Variants in IKBKB observed in about 807,000 individuals in gnomAD.
IKBKB encodes the protein inhibitor of nuclear factor kappa B kinase subunit beta, also known as inhibitor of nuclear factor kappa-B kinase subunit beta.
In IKBKB, 42 loss-of-function variants were observed where a neutral mutation model predicts 113.6. That is an observed-to-expected ratio of 0.37 (90% CI 0.29 to 0.48). The LOEUF (loss-of-function observed/expected upper bound fraction) is 0.48, where lower values mean the gene tolerates loss of function less well. IKBKB is among the 20% of genes least tolerant of loss of function. The pLI is 0.99. For missense variants in IKBKB, 673 were observed against 939.7 expected, an observed-to-expected ratio of 0.72 and a Z score of 3.71; for synonymous variants, 296 against 361.3, an observed-to-expected ratio of 0.82 and a Z score of 2.05.
intron 8 of IKBKB, among the ~76,000 whole-genome samples, chr8:42,313,219 A>G (rs908092287): frequency 6.6e-6 from 1 of 152,172 alleles, no homozygotes; most frequent in Non-Finnish European, 1.5e-5. Flanking sequence ...GTGAGGCCAA[A>G]GTGAGCGAAT....
intron 15 of IKBKB, 188 bp from the exon 16 acceptor site, chr8:42,320,547 C>T: frequency 1.9e-6 from 1 of 530,128 alleles, no homozygotes; most frequent in Non-Finnish European, 3.3e-6. Context: ...AGGGGTCACA[C>T]AGCTAGAAAG....
chr8:42,298,495 C>T lies in IKBKB; in HGVS notation c.388+4983C>T, dbSNP rs890839210. On this transcript the variant is annotated intron_variant, in intron 5 of 21. Transcript: ENST00000520810. ...TTCCAGGAACTGCACATCAGGTGCACTGTCTAGCATTGTGGATCTTCTGAC... is the reference window on the plus strand; with the variant it reads ...TTCCAGGAACTGCACATCAGGTGCATTGTCTAGCATTGTGGATCTTCTGAC... 3.1e-6 allele frequency: 3 copies of T among 983,574 alleles called. No homozygotes were observed. The African/African-American group carries it at 5.2e-5, about 17-fold the overall frequency. The allele number at this position is 983,574 out of a possible 1,614,324, so 60.9% of individuals were successfully genotyped here. A position where few individuals can be genotyped will look rare whatever the true frequency, so the allele number is the denominator to read the frequency against.
Position 42,330,945 on chromosome 8 carries a change from A to C in IKBKB, c.2237A>C (p.Glu746Ala). 6.2e-7 allele frequency: 1 copy of C among 1,614,240 alleles called. No homozygotes were observed. The highest frequency in any genetic ancestry group is 8.5e-7 in the Non-Finnish European group (1 of 1,180,052). ...GACTGGAGCTGGTTACAGACGGAAG[A>C]AGAAGAGCACAGCTGCCTGGAGCAG... The part of the protein sequence containing the change: ...ALDWSWLQTE[E>A]EEHSCLEQAS The change falls in exon 22 of 22, where the codon GAA (glutamate) becomes GCA (alanine). Residue 746 changes from glutamate to alanine, a missense_variant. Physicochemically the swap from Glu to Ala is moderately radical, Grantham distance 107 (BLOSUM62 -1). Coordinates refer to ENST00000520810, the MANE Select transcript of IKBKB (RefSeq NM_001556.3).
intron 2 of IKBKB, among the ~76,000 whole-genome samples, chr8:42,277,199 T>C (rs891040056): frequency 3.4e-5 from 5 of 147,440 alleles, no homozygotes; most frequent in African/African-American, 1.0e-4. Flanking sequence ...TTTTTTTTTT[T>C]TGCAACGGAG....
chr8:42,298,378 T>G, intron 5 of IKBKB: 1 of 985,398 alleles, frequency 1.0e-6, no homozygotes, highest in Non-Finnish European at 1.2e-6. Flanking sequence ...CCTGCTTCCT[T>G]CTCGAGCTGC....
rs957235684 is a variant in IKBKB at position 42,331,102 on chromosome 8, C to T, written c.*123C>T. Reference sequence around the variant, plus strand: ...CGCGTGACGTGGGGCTGCCTGGCCGCGGCTCTCACATGGTGGTTCCTGCTG... The same window carrying T: ...CGCGTGACGTGGGGCTGCCTGGCCGTGGCTCTCACATGGTGGTTCCTGCTG... On this transcript the variant is annotated 3_prime_UTR_variant, in exon 22 of 22. Coordinates refer to ENST00000520810, the MANE Select transcript of IKBKB (RefSeq NM_001556.3). 1.9e-5 allele frequency: 27 copies of T among 1,458,366 alleles called. No individual in the cohort carries two copies. The highest frequency in any genetic ancestry group is 4.2e-5 in the African/African-American group (3 of 71,716). The allele number at this position is 1,458,366 out of a possible 1,614,324, so 90.3% of individuals were successfully genotyped here. A position where few individuals can be genotyped will look rare whatever the true frequency, so the allele number is the denominator to read the frequency against.
rs1351722076 is a variant in IKBKB, at chr8:42,308,793, G to A, written c.568-108G>A. 2.7e-5 allele frequency: 28 copies of A among 1,025,448 alleles called. No homozygotes were observed. In the East Asian group the frequency reaches 3.3e-4, roughly 12 times the overall value. 63.5% of individuals were successfully genotyped at this position (1,025,448 alleles called of 1,614,324 possible). The stretch of plus-strand genomic sequence containing the variant: ...CCTCGCCCTGCATGCATGTGCCAGT[G>A]CCCTCTAGGATGAAGCCAGGGGTGA... On this transcript the variant is annotated intron_variant, in intron 7 of 21. Coordinates refer to ENST00000520810, the MANE Select transcript of IKBKB (RefSeq NM_001556.3).
At chr8:42,272,060 T>G (rs202075261) in intron 1 of IKBKB, 23 bp from the exon 2 acceptor site, 1 of 1,596,902 alleles carries the variant, frequency 6.3e-7, no homozygotes, top group African/African-American at 1.3e-5. Flanking sequence ...TAACCTTTTT[T>G]CCCCATCCCA....
chr8:42,295,537 C>A (rs544908344), intron 5 of IKBKB, among the ~76,000 whole-genome samples: 2 of 152,188 alleles, frequency 1.3e-5, no homozygotes, highest in South Asian at 4.2e-4. Context: ...CCAGCCTGAC[C>A]GAGATGCTGA....
chr8:42,319,896 T>C (rs1819443992), intron 15 of IKBKB: 1 of 423,986 alleles, frequency 2.4e-6, no homozygotes, highest in African/African-American at 2.0e-5. Flanking sequence ...GAAGCAAGGG[T>C]TAGGTTCCCT....
intron 5 of IKBKB, chr8:42,297,969 C>T (rs892745296): frequency 1.3e-5 from 5 of 391,844 alleles, no homozygotes; most frequent in African/African-American, 8.8e-5. Context: ...GGCCAGGACT[C>T]TTCTGCCAGA....
chr8:42,289,792 G>A (rs1309945356), intron 3 of IKBKB, among the ~76,000 whole-genome samples: 1 of 152,182 alleles, frequency 6.6e-6, no homozygotes, highest in East Asian at 1.9e-4. Context: ...AACAAAAAGA[G>A]CAGGCACCAC....
At chr8:42,306,495 C>T in intron 7 of IKBKB, 63 bp downstream of exon 7, 10 of 1,087,510 alleles carry the variant, frequency 9.2e-6, no homozygotes, top group Admixed American at 1.7e-5. Flanking sequence ...TTGTGGGGCT[C>T]CTGTCCTGCC....
intron 5 of IKBKB, among the ~76,000 whole-genome samples, chr8:42,295,441 C>G (rs1261005658): frequency 6.6e-6 from 1 of 152,202 alleles, no homozygotes; most frequent in East Asian, 1.9e-4. Context: ...ATTATTGGCA[C>G]AAGTGCCGGG....
At chr8:42,327,284 G>A (rs1334726131) in intron 20 of IKBKB, among the ~76,000 whole-genome samples, 3 of 151,160 alleles carry the variant, frequency 2.0e-5, no homozygotes, top group Admixed American at 6.6e-5. Flanking sequence ...GCAGGAGTTC[G>A]AGGCAAGTCT....
intron 20 of IKBKB, among the ~76,000 whole-genome samples, chr8:42,328,129 A>G (rs1821161071): frequency 7.1e-6 from 1 of 141,840 alleles, no homozygotes; most frequent in Non-Finnish European, 1.5e-5. Flanking sequence ...TTTTTATTAG[A>G]GACAGGGTTT....
chr8:42,279,561 G>T (rs1273397650), intron 2 of IKBKB, among the ~76,000 whole-genome samples: 1 of 152,138 alleles, frequency 6.6e-6, no homozygotes, highest in Non-Finnish European at 1.5e-5. Flanking sequence ...TTTCTCTCCA[G>T]CCCTCACAAC....
chr8:42,282,261 G>T (rs79395741), intron 2 of IKBKB, among the ~76,000 whole-genome samples: 1 of 152,132 alleles, frequency 6.6e-6, no homozygotes, highest in East Asian at 1.9e-4. Flanking sequence ...ACAGCTCAAC[G>T]CAGGTCTCGC....
chr8:42,296,225 G>T (rs948879144), intron 5 of IKBKB, among the ~76,000 whole-genome samples: 9 of 152,170 alleles, frequency 5.9e-5, no homozygotes, highest in Admixed American at 5.9e-4. Flanking sequence ...AGCTGGATGC[G>T]GTGGCTCACG....
Sources: allele counts gnomAD v4.1 joint callset (sites outside exome capture counted in the v4.1 genomes callset), GRCh38; gene constraint gnomAD v4.1.1; transcripts MANE v1.5; gene names NCBI Gene and HGNC (gene_info 2026-07-23, HGNC 2026-07-21).